WWC2: variants seen among roughly 807,000 people sequenced by gnomAD.
WWC2 encodes protein WWC2.
Under a neutral mutation model 138.5 loss-of-function variants are expected in WWC2, and 101 were observed. The observed-to-expected ratio is 0.73, with a 90% CI of 0.62 to 0.86. The LOEUF (loss-of-function observed/expected upper bound fraction) is 0.86. Ranked by LOEUF, WWC2 falls within the 40% of genes least tolerant of loss-of-function variation. WWC2 has a pLI of 0.00. For synonymous variants in WWC2, 558 were observed against 538.4 expected, an observed-to-expected ratio of 1.04 and a Z score of -0.50; for missense variants, 1,420 against 1,419.4, an observed-to-expected ratio of 1.00 and a Z score of -0.01.
intron 1 of WWC2, among the ~76,000 whole-genome samples, chr4:183,132,784 A>AT (rs368168648): frequency 0.022 from 3,298 of 151,342 alleles, 124 homozygotes; most frequent in African/African-American, 0.076. Flanking sequence ...TAATCAAATG[A>AT]TTTTTTTTTC....
At chr4:183,221,205 A>G (rs892200216) in intron 4 of WWC2, among the ~76,000 whole-genome samples, 1 of 152,234 alleles carries the variant, frequency 6.6e-6, no homozygotes, top group African/African-American at 2.4e-5. Flanking sequence ...CTATTACTAG[A>G]GATTTTATAA....
intron 1 of WWC2, among the ~76,000 whole-genome samples, chr4:183,141,539 C>A (rs1232959934): frequency 6.6e-6 from 1 of 152,156 alleles, no homozygotes; most frequent in African/African-American, 2.4e-5. Flanking sequence ...TATATAGCAT[C>A]CTCTAAGCCG....
intron 1 of WWC2, among the ~76,000 whole-genome samples, chr4:183,120,767 A>G (rs1732573055): frequency 6.6e-6 from 1 of 152,222 alleles, no homozygotes; most frequent in South Asian, 2.1e-4. Flanking sequence ...AAATACATTT[A>G]TTTAATTAAT....
intron 4 of WWC2, among the ~76,000 whole-genome samples, chr4:183,213,662 A>G (rs1397756298): frequency 6.6e-6 from 1 of 152,186 alleles, no homozygotes; most frequent in African/African-American, 2.4e-5. Context: ...GTCAAATGGG[A>G]TAACAGTACT....
chr4:183,103,052 G>GATAC (rs1482304559), intron 1 of WWC2, among the ~76,000 whole-genome samples: 2 of 152,024 alleles, frequency 1.3e-5, no homozygotes, highest in African/African-American at 2.4e-5. Flanking sequence ...GTTACCCAGA[G>GATAC]ATACAATGAC....
chr4:183,297,556 C>T (rs538703393), intron 21 of WWC2, among the ~76,000 whole-genome samples: 13 of 152,104 alleles, frequency 8.5e-5, no homozygotes, highest in South Asian at 2.1e-4. Flanking sequence ...ACTACAGGCG[C>T]GCACCACCAC....
At chr4:183,149,129 T>G (rs1733561150) in intron 1 of WWC2, among the ~76,000 whole-genome samples, 1 of 152,094 alleles carries the variant, frequency 6.6e-6, no homozygotes, top group Non-Finnish European at 1.5e-5. Context: ...ATGGCTTTAA[T>G]GAATTGTCAT....
At chr4:183,304,085 T>C (rs955172613) in intron 21 of WWC2, among the ~76,000 whole-genome samples, 21 of 152,158 alleles carry the variant, frequency 1.4e-4, no homozygotes, top group African/African-American at 5.1e-4. Context: ...GAGTTTGAAG[T>C]CTTCAATCTA....
At chr4:183,150,052 A>G (rs905527362) in intron 1 of WWC2, among the ~76,000 whole-genome samples, 3 of 152,126 alleles carry the variant, frequency 2.0e-5, no homozygotes, top group African/African-American at 4.8e-5. Flanking sequence ...GAACATACCT[A>G]GAAAGGGCCA....
At chr4:183,288,162 C>T (rs554156009) in intron 20 of WWC2, among the ~76,000 whole-genome samples, 1 of 152,232 alleles carries the variant, frequency 6.6e-6, no homozygotes, top group African/African-American at 2.4e-5. Context: ...AAGAATGTTA[C>T]AGAAGACCAT....
chr4:183,189,869 G>C (rs1447802045), intron 1 of WWC2, among the ~76,000 whole-genome samples: 1 of 152,126 alleles, frequency 6.6e-6, no homozygotes, highest in African/African-American at 2.4e-5. Context: ...TCACCATCAT[G>C]TAATTGTGAA....
At chr4:183,166,615 C>G (rs941111482) in intron 1 of WWC2, among the ~76,000 whole-genome samples, 6 of 152,162 alleles carry the variant, frequency 3.9e-5, no homozygotes, top group African/African-American at 1.4e-4. Flanking sequence ...GGTGAACAAT[C>G]TCAAGTCATT....
chr4:183,188,317 C>T (rs1263461941), intron 1 of WWC2, among the ~76,000 whole-genome samples: 1 of 152,180 alleles, frequency 6.6e-6, no homozygotes, highest in Non-Finnish European at 1.5e-5. Context: ...TGGCTCACTA[C>T]AACCTCCACC....
chr4:183,179,028 G>A (rs1216563733), intron 1 of WWC2, among the ~76,000 whole-genome samples: 2 of 152,160 alleles, frequency 1.3e-5, no homozygotes, highest in Non-Finnish European at 2.9e-5. Context: ...TAAGCTTATT[G>A]TAAAAGATGC....
intron 1 of WWC2, among the ~76,000 whole-genome samples, chr4:183,171,492 A>C (rs1399425067): frequency 6.6e-6 from 1 of 152,236 alleles, no homozygotes; most frequent in African/African-American, 2.4e-5. Flanking sequence ...GAGCAAATGT[A>C]ACTAAAGTTT....
intron 1 of WWC2, among the ~76,000 whole-genome samples, chr4:183,121,468 CA>C (rs1177025164): frequency 6.6e-6 from 1 of 151,824 alleles, no homozygotes; most frequent in African/African-American, 2.4e-5. Context: ...TGTCGGCATT[CA>C]GAAGTTTCAG....
At chr4:183,232,893 C>A (rs931662279) in intron 4 of WWC2, among the ~76,000 whole-genome samples, 5 of 152,072 alleles carry the variant, frequency 3.3e-5, no homozygotes, top group African/African-American at 1.2e-4. Context: ...AGCAATCCAT[C>A]CACCTTGGCC....
At chr4:183,102,247 A>G (rs1173355914) in intron 1 of WWC2, among the ~76,000 whole-genome samples, 1 of 152,162 alleles carries the variant, frequency 6.6e-6, no homozygotes, top group Non-Finnish European at 1.5e-5. Context: ...TCTTCTTCAT[A>G]GGGGTGTTTG....
Position 183,189,692 on chromosome 4 carries a change from A to G in WWC2, c.132-3907A>G, listed in dbSNP as rs527721532. On this transcript the variant is annotated intron_variant, in intron 1 of 22. Coordinates refer to ENST00000403733, the MANE Select transcript of WWC2 (RefSeq NM_024949.6). ...CTAAACAATGAGAACAGCAGATGCT[A>G]CAAAGTAAAAATAACTGTTAAGACT... Among the ~76,000 whole-genome samples the G allele has an allele frequency of 1.1e-3, 165 of 152,342 alleles. 1 individual carries two copies. The highest frequency in any genetic ancestry group is 2.1e-3 in the Non-Finnish European group (142 of 68,036).
Sources: gnomAD v4.1 joint callset for allele counts (sites outside exome capture counted in the v4.1 genomes callset) on GRCh38, gnomAD v4.1.1 for gene constraint, MANE v1.5 for transcripts, NCBI Gene and HGNC (gene_info 2026-07-23, HGNC 2026-07-21) for gene names.